CLIC2: variants seen among roughly 807,000 people sequenced by gnomAD.
CLIC2 encodes CLIC family member 2, also known as chloride intracellular channel protein 2.
In CLIC2, 9 loss-of-function variants were observed where a neutral mutation model predicts 14.8. That is an observed-to-expected ratio of 0.61 (90% CI 0.37 to 1.06). The LOEUF is 1.06. Among genes scored for constraint, CLIC2 ranks in the 50% least tolerant of loss-of-function variants. The pLI is 0.01. For missense variants in CLIC2, 148 were observed against 181.4 expected, an observed-to-expected ratio of 0.82 and a Z score of 1.06; for synonymous variants, 61 against 66.3, an observed-to-expected ratio of 0.92 and a Z score of 0.39.
chrX:155,291,945 G>C (rs1217653685), intron 3 of CLIC2, among the ~76,000 whole-genome samples: 1 of 112,049 alleles, frequency 8.9e-6, no homozygotes, highest in African/African-American at 3.2e-5. Flanking sequence ...GCAGCCCCGC[G>C]GCCATGCGAC....
chrX:155,284,609 T>G (rs1163113043), intron 3 of CLIC2, among the ~76,000 whole-genome samples: 2 of 111,793 alleles, frequency 1.8e-5, no homozygotes, highest in Non-Finnish European at 3.8e-5. Flanking sequence ...TGTTATTCCT[T>G]GTTCTGTGTA....
chrX:155,328,242 G>GGAAAAACCTAAAAACCAAAT (rs1557322525), intron 1 of CLIC2, among the ~76,000 whole-genome samples: 2 of 111,032 alleles, frequency 1.8e-5, no homozygotes, highest in Non-Finnish European at 3.8e-5. Context: ...CAGATGATAT[G>GGAAAAACCTAAAAACCAAAT]ATCTTATATT....
intron 3 of CLIC2, among the ~76,000 whole-genome samples, chrX:155,284,650 T>G (rs1835420861): frequency 8.9e-6 from 1 of 112,073 alleles, no homozygotes; most frequent in Admixed American, 9.5e-5. Flanking sequence ...TTTAAAATTC[T>G]TTCCACAACC....
rs1177914724 is a variant in CLIC2, at chrX:155,277,272, T to G, written c.*631A>C. On this transcript the variant is annotated 3_prime_UTR_variant, in exon 6 of 6. Coordinates refer to ENST00000369449, the MANE Select transcript of CLIC2 (RefSeq NM_001289.6). ...AAATTATGTTTTATTTAATGAGTGC[T>G]TCTTCATTTAAAAATAATATAATCT... is the stretch of plus-strand genomic sequence containing the variant. The G allele has an allele frequency of 9.0e-6, 1 of 111,631 alleles. No individual in the cohort carries two copies. Among genetic ancestry groups the G allele is most frequent in the Non-Finnish European group, 1.9e-5 (1 of 53,129 alleles). 9.2% of individuals were successfully genotyped at this position (111,631 alleles called of 1,213,427 possible). A position where few individuals can be genotyped will look rare whatever the true frequency, so the allele number is the denominator to read the frequency against.
At position 155,334,473 on chromosome X, in the gene CLIC2, C is replaced by A. The variant is rs782498096; in HGVS notation, c.-46G>T. ...GTCAGCCTCCTGCCTCCTGTAGAGT[C>A]CACAATACTTGTAGACTCTTTTCTC... On this transcript the variant is annotated 5_prime_UTR_variant, in exon 1 of 6. Transcript: ENST00000369449. 126 of 1,032,627 alleles carry A rather than the reference C, an allele frequency of 1.2e-4. No homozygotes were observed. Among genetic ancestry groups the A allele is most frequent in the Non-Finnish European group, 1.7e-4 (122 of 733,845 alleles). 85.1% of individuals were successfully genotyped at this position (1,032,627 alleles called of 1,213,427 possible).
intron 3 of CLIC2, chrX:155,290,613 T>G: frequency 1.3e-6 from 1 of 772,647 alleles, no homozygotes; most frequent in South Asian, 2.1e-5. Flanking sequence ...GGGCATTGAA[T>G]AGATAAAAAC....
At position 155,277,486 on chromosome X, in the gene CLIC2, A is replaced by G. The variant is rs916068398; in HGVS notation, c.*417T>C. Reference sequence around the variant, plus strand: ...ATTTATATCAGAAATAAACTCATGTATATATTAAACTAACAAAAATGTGAA... The same window carrying G: ...ATTTATATCAGAAATAAACTCATGTGTATATTAAACTAACAAAAATGTGAA... On this transcript the variant is annotated 3_prime_UTR_variant, in exon 6 of 6. Coordinates refer to ENST00000369449, the MANE Select transcript of CLIC2 (RefSeq NM_001289.6). 3.9e-5 allele frequency: 5 copies of G among 129,782 alleles called. No homozygotes were observed. The highest frequency in any genetic ancestry group is 1.6e-4 in the African/African-American group (5 of 31,056). 10.7% of individuals were successfully genotyped at this position (129,782 alleles called of 1,213,427 possible). A position where few individuals can be genotyped will look rare whatever the true frequency, so the allele number is the denominator to read the frequency against.
At chrX:155,332,790 G>GA (rs2075161147) in intron 1 of CLIC2, among the ~76,000 whole-genome samples, 1 of 112,327 alleles carries the variant, frequency 8.9e-6, no homozygotes, top group South Asian at 3.6e-4. Context: ...ACCCAAATAT[G>GA]AAAAGTCTAT....
Position 155,299,822 on chromosome X carries a change from C to T in CLIC2, c.58-677G>A, listed in dbSNP as rs781820862. On this transcript the variant is annotated intron_variant, in intron 1 of 5. Coordinates refer to ENST00000369449, the MANE Select transcript of CLIC2 (RefSeq NM_001289.6). ...ATTCCCACCTATGAGTGAGAATATG[C>T]GGTGTTTGGTTTTTTGTTCTTGCGA... 1.8e-3 allele frequency among the ~76,000 whole-genome samples: 173 copies of T among 98,214 alleles called. 1 individual carries two copies. The highest frequency in any genetic ancestry group is 6.2e-3 in the African/African-American group (164 of 26,615). The allele number at this position is 98,214 out of a possible 115,157, so 85.3% of individuals were successfully genotyped here.
chrX:155,322,660 A>T (rs1431967554), intron 1 of CLIC2, among the ~76,000 whole-genome samples: 9 of 111,887 alleles, frequency 8.0e-5, no homozygotes, highest in African/African-American at 2.9e-4. Context: ...AAGCAAGAGC[A>T]AACAAATTCA....
intron 3 of CLIC2, among the ~76,000 whole-genome samples, chrX:155,293,945 T>C (rs1337282753): frequency 2.7e-5 from 3 of 111,775 alleles, no homozygotes. Context: ...AGAGACAGAC[T>C]GCAGTGCAAT....
chrX:155,310,491 G>A, intron 1 of CLIC2: 1 of 249,127 alleles, frequency 4.0e-6, no homozygotes, highest in Non-Finnish European at 8.0e-6. Flanking sequence ...TGTTTCCTTG[G>A]GCAGCTCTGC....
Position 155,298,815 on chromosome X carries a change from T to C in CLIC2, c.263A>G (p.Glu88Gly). 8.3e-7 allele frequency: 1 copy of C among 1,210,115 alleles called. No homozygotes were observed. The highest frequency in any genetic ancestry group is 1.8e-5 in the South Asian group (1 of 56,953). The change falls in exon 3 of 6, where the codon GAG (glutamate) becomes GGG (glycine). Residue 88 changes from glutamate (E) to glycine (G), a missense_variant. Glu to Gly is a moderately conservative substitution (Grantham distance 98). Transcript: ENST00000369449. ...ELKTDFIKIE[E>G]FLEQTLAPPR... ...AGGAGCCAGGGTTTGTTCTAAAAAC[T>C]CCTCAATTTTAATGAAGTCTGTTTT...
intron 5 of CLIC2, chrX:155,278,850 C>T (rs2074908144): frequency 8.6e-6 from 2 of 233,296 alleles, no homozygotes; most frequent in Non-Finnish European, 7.7e-6. Context: ...GGGAGGACTG[C>T]TTGAGCCTCA....
At chrX:155,325,960 G>A (rs1213612747) in intron 1 of CLIC2, among the ~76,000 whole-genome samples, 1 of 106,003 alleles carries the variant, frequency 9.4e-6, no homozygotes, top group Non-Finnish European at 1.9e-5. Flanking sequence ...ACTTATAATT[G>A]GGAGCTAAGC....
chrX:155,329,899 A>G (rs113955666), intron 1 of CLIC2, among the ~76,000 whole-genome samples: 1,900 of 111,594 alleles, frequency 0.017, 51 homozygotes, highest in African/African-American at 0.059. Flanking sequence ...ACATGGATGG[A>G]ACTGGACGTC....
chrX:155,279,002 A>AGAG, intron 5 of CLIC2, 147 bp downstream of exon 5: 1 of 517,039 alleles, frequency 1.9e-6, no homozygotes, highest in Non-Finnish European at 3.4e-6. Context: ...TTCCCTCTAA[A>AGAG]GAGAAAAGAG....
At chrX:155,284,254 ATT>A (rs781838836) in intron 3 of CLIC2, among the ~76,000 whole-genome samples, 2 of 92,640 alleles carry the variant, frequency 2.2e-5, no homozygotes. Context: ...TCTCCCTGGG[ATT>A]TTTTTTTTTT....
chrX:155,287,366 C>A (rs1557317178), intron 3 of CLIC2, among the ~76,000 whole-genome samples: 1 of 111,308 alleles, frequency 9.0e-6, no homozygotes, highest in African/African-American at 3.3e-5. Flanking sequence ...CAGAGTTTCA[C>A]TCTGTTGCCC....
Sources: gnomAD v4.1 joint callset for allele counts (sites outside exome capture counted in the v4.1 genomes callset) on GRCh38, gnomAD v4.1.1 for gene constraint, MANE v1.5 for transcripts, NCBI Gene and HGNC (gene_info 2026-07-23, HGNC 2026-07-21) for gene names.